Variants in CEP162 observed in about 807,000 individuals in gnomAD.
The protein encoded by CEP162 is centrosomal protein of 162 kDa.
Under a neutral mutation model 169.2 loss-of-function variants are expected in CEP162, and 141 were observed. That is an observed-to-expected ratio of 0.83 (90% CI 0.73 to 0.96). The LOEUF (loss-of-function observed/expected upper bound fraction) is 0.96. Ranked by LOEUF, CEP162 falls within the 40% of genes least tolerant of loss-of-function variation. The pLI is 0.00. For synonymous variants in CEP162, 540 were observed against 526.4 expected (o/e 1.03, Z -0.35); for missense variants, 1,600 against 1,587.2 (o/e 1.01, Z -0.14).
At chr6:84,206,981 C>T (rs1446288330) in intron 6 of CEP162, among the ~76,000 whole-genome samples, 1 of 152,210 alleles carries the variant, frequency 6.6e-6, no homozygotes, top group East Asian at 1.9e-4. Context: ...TGCTCATCAT[C>T]ACTGGTCATC....
Position 84,215,464 on chromosome 6 carries a change from T to C in CEP162, c.321A>G (p.Glu107=), listed in dbSNP as rs1343998181. 3.8e-6 allele frequency: 6 copies of C among 1,563,050 alleles called. No individual in the cohort carries two copies. The highest frequency in any genetic ancestry group is 5.2e-6 in the Non-Finnish European group (6 of 1,158,890). ...LLSTDSLETN[E]LVVSELNHSS... is the part of the protein sequence containing the mutation. ...TATGGTTGAGCTCAGAAACTACTAG[T>C]TCTAAATGGAAAGCACAAATATATT... Residue 107 remains glutamate (E), a splice_region_variant and synonymous_variant, in exon 5 of 27, where the codon GAA becomes GAG. Coordinates refer to ENST00000403245, the MANE Select transcript of CEP162 (RefSeq NM_014895.4).
At chr6:84,170,262 T>C (rs1049889615) in intron 17 of CEP162, among the ~76,000 whole-genome samples, 2 of 149,550 alleles carry the variant, frequency 1.3e-5, no homozygotes, top group Non-Finnish European at 2.9e-5. Context: ...TAGTCCCAGA[T>C]ACTCGGGAGG....
At chr6:84,210,749 C>T (rs1006792725) in intron 6 of CEP162, among the ~76,000 whole-genome samples, 1 of 152,170 alleles carries the variant, frequency 6.6e-6, no homozygotes, top group African/African-American at 2.4e-5. Context: ...AGACAATTCT[C>T]ACAGTTCATA....
intron 11 of CEP162, among the ~76,000 whole-genome samples, chr6:84,188,891 T>G (rs922067822): frequency 6.6e-6 from 1 of 152,160 alleles, no homozygotes; most frequent in Non-Finnish European, 1.5e-5. Context: ...CCAGCATATT[T>G]TTTTTTGTTT....
chr6:84,182,665 T>C (rs1448771837), intron 13 of CEP162, among the ~76,000 whole-genome samples: 3 of 152,108 alleles, frequency 2.0e-5, no homozygotes, highest in Admixed American at 2.0e-4. Flanking sequence ...CCCTACCTCA[T>C]GGACAGGGTC....
intron 2 of CEP162, among the ~76,000 whole-genome samples, chr6:84,223,871 A>G (rs2127759564): frequency 6.6e-6 from 1 of 152,068 alleles, no homozygotes; most frequent in South Asian, 2.1e-4. Context: ...GCACCACAGC[A>G]CTCCAGCCTG....
chr6:84,134,094 G>C (rs765965671), intron 25 of CEP162, among the ~76,000 whole-genome samples: 1 of 152,198 alleles, frequency 6.6e-6, no homozygotes, highest in African/African-American at 2.4e-5. Context: ...CGGCTATGGC[G>C]GCTTTGCCAA....
intron 8 of CEP162, among the ~76,000 whole-genome samples, chr6:84,201,348 T>C (rs2099544408): frequency 6.6e-6 from 1 of 152,152 alleles, no homozygotes; most frequent in African/African-American, 2.4e-5. Context: ...TAAATGCTTA[T>C]ATACAAAGAA....
Position 84,190,292 on chromosome 6 carries a change from C to T in CEP162, c.1109+3317G>A, listed in dbSNP as rs564649286. 3.6e-3 allele frequency among the ~76,000 whole-genome samples: 547 copies of T among 152,152 alleles called. 3 individuals carry two copies. Among genetic ancestry groups the T allele is most frequent in the African/African-American group, 0.012 (491 of 41,504 alleles). On this transcript the variant is annotated intron_variant, in intron 11 of 26. Coordinates refer to ENST00000403245, the MANE Select transcript of CEP162 (RefSeq NM_014895.4). ...TTGTATCTAGCTCAGGGATTGTAAA[C>T]GCACCAATCAGCGCCCTGACAAAAC... is the stretch of plus-strand genomic sequence containing the variant.
intron 2 of CEP162, among the ~76,000 whole-genome samples, chr6:84,225,564 A>G (rs2099555375): frequency 1.3e-5 from 2 of 151,768 alleles, no homozygotes; most frequent in South Asian, 4.2e-4. Flanking sequence ...TACTCATTCA[A>G]ATATTTATTA....
chr6:84,147,244 A>C (rs754985034), intron 24 of CEP162, among the ~76,000 whole-genome samples: 19 of 152,040 alleles, frequency 1.2e-4, no homozygotes, highest in Admixed American at 3.9e-4. Context: ...GCACAGAAAA[A>C]TACTGCATGT....
chr6:84,132,025 A>G (rs533248471), intron 25 of CEP162, among the ~76,000 whole-genome samples: 53 of 152,266 alleles, frequency 3.5e-4, no homozygotes, highest in African/African-American at 1.1e-3. Flanking sequence ...GAGCTCTTGT[A>G]AGGCATGCCT....
At chr6:84,183,651 A>T (rs1368823926) in intron 13 of CEP162, among the ~76,000 whole-genome samples, 1 of 152,050 alleles carries the variant, frequency 6.6e-6, no homozygotes, top group African/African-American at 2.4e-5. Flanking sequence ...GCTCAGCTTA[A>T]ATTCCATGGT....
At position 84,174,191 on chromosome 6, in the gene CEP162, T is replaced by TG. The variant is rs2099531348; in HGVS notation, c.2026-4dup. 2 of 1,595,644 alleles carry TG rather than the reference T, an allele frequency of 1.3e-6. No homozygotes were observed. The highest frequency in any genetic ancestry group is 1.7e-6 in the Non-Finnish European group (2 of 1,171,640). On this transcript the variant is annotated splice_region_variant and splice_polypyrimidine_tract_variant and intron_variant, in intron 15 of 26. Coordinates refer to ENST00000403245, the MANE Select transcript of CEP162 (RefSeq NM_014895.4). ...TTTGTTTCTTCAAAGCTGCTTAACTTGGAGAAATTGCAGAAATTGTTTTAT... is the reference window on the plus strand; with the variant it reads ...TTTGTTTCTTCAAAGCTGCTTAACTTGGGAGAAATTGCAGAAATTGTTTTAT...
At chr6:84,187,293 A>C (rs888105534) in intron 11 of CEP162, among the ~76,000 whole-genome samples, 17 of 152,338 alleles carry the variant, frequency 1.1e-4, no homozygotes, top group African/African-American at 4.1e-4. Flanking sequence ...CAGGGTCTCC[A>C]AAAATATGGG....
intron 25 of CEP162, among the ~76,000 whole-genome samples, chr6:84,128,923 T>C (rs2099510073): frequency 1.3e-5 from 2 of 151,844 alleles, no homozygotes; most frequent in Admixed American, 6.6e-5. Context: ...CTTCCACTTA[T>C]GAGTGAGAAC....
intron 11 of CEP162, among the ~76,000 whole-genome samples, chr6:84,192,363 T>A (rs7747473): frequency 0.093 from 14,197 of 152,228 alleles, 1,736 homozygotes; most frequent in African/African-American, 0.29. Flanking sequence ...GTTTTACCTA[T>A]AACAACAAAG....
chr6:84,179,171 T>C (rs546726598), intron 13 of CEP162, among the ~76,000 whole-genome samples: 79 of 152,358 alleles, frequency 5.2e-4, no homozygotes, highest in African/African-American at 1.8e-3. Flanking sequence ...TTTGGGTATA[T>C]ACCCAGTAAT....
chr6:84,131,892 A>T (rs1019099855), intron 25 of CEP162, among the ~76,000 whole-genome samples: 4 of 152,204 alleles, frequency 2.6e-5, no homozygotes, highest in African/African-American at 9.7e-5. Context: ...TTGTGATGTT[A>T]GCTGGTTATT....
Sources: allele counts gnomAD v4.1 joint callset (sites outside exome capture counted in the v4.1 genomes callset), GRCh38; gene constraint gnomAD v4.1.1; transcripts MANE v1.5; gene names NCBI Gene and HGNC (gene_info 2026-07-23, HGNC 2026-07-21).